The following LARGE1 variants were observed in gnomAD, a reference collection of about 807,000 sequenced individuals.
The protein encoded by LARGE1 is LARGE xylosyl- and glucuronyltransferase 1.
In LARGE1, 43 loss-of-function variants were observed where a neutral mutation model predicts 87.6. That is an observed-to-expected ratio of 0.49 (90% confidence interval 0.38 to 0.63). The LOEUF (loss-of-function observed/expected upper bound fraction) is 0.63. Ranked by LOEUF, LARGE1 falls within the 30% of genes least tolerant of loss-of-function variation. The pLI, the probability that LARGE1 is intolerant of heterozygous loss-of-function variation, is 0.00. For missense variants in LARGE1, 802 were observed against 1,000.2 expected, an observed-to-expected ratio of 0.80 and a Z score of 2.67; for synonymous variants, 434 against 394.6, an observed-to-expected ratio of 1.10 and a Z score of -1.18.
chr22:33,535,204 G>A (rs979120570), intron 6 of LARGE1, among the ~76,000 whole-genome samples: 1 of 152,212 alleles, frequency 6.6e-6, no homozygotes, highest in Non-Finnish European at 1.5e-5. Context: ...TGTGCACAAT[G>A]AAGTGCGTGT....
At position 33,838,851 on chromosome 22, in the gene LARGE1, C is replaced by T. The variant is rs12159356; in HGVS notation, c.-82-77293G>A. Among the ~76,000 whole-genome samples the T allele has an allele frequency of 5.4e-4, 82 of 152,106 alleles. 3 individuals carry two copies. The highest frequency in any genetic ancestry group is 1.6e-3 in the African/African-American group (68 of 41,502). ...TTAATCCAATCCATCTTACCCGTGA[C>T]GGCTCTCCACGTTTTTTGTTTATAT... On this transcript the variant is annotated intron_variant, in intron 1 of 14. Coordinates refer to ENST00000397394, the MANE Select transcript of LARGE1 (RefSeq NM_133642.5).
intron 5 of LARGE1, among the ~76,000 whole-genome samples, chr22:33,583,572 T>A (rs1410822267): frequency 6.6e-6 from 1 of 152,148 alleles, no homozygotes; most frequent in Non-Finnish European, 1.5e-5. Flanking sequence ...AATTAGAACC[T>A]CGGAAAGAAA....
intron 1 of LARGE1, among the ~76,000 whole-genome samples, chr22:33,774,521 TA>T (rs1228141428): frequency 6.6e-6 from 1 of 151,402 alleles, no homozygotes; most frequent in Non-Finnish European, 1.5e-5. Flanking sequence ...CACACCCAGC[TA>T]ATTTTTGTAT....
chr22:33,792,154 G>C (rs993934259), intron 1 of LARGE1, among the ~76,000 whole-genome samples: 20 of 152,174 alleles, frequency 1.3e-4, no homozygotes, highest in African/African-American at 4.3e-4. Context: ...TACTTGTTAG[G>C]AGGTGATATG....
downstream of LARGE1, among the ~76,000 whole-genome samples, chr22:33,268,033 G>T (rs2145770028): frequency 6.6e-6 from 1 of 151,000 alleles, no homozygotes; most frequent in South Asian, 2.1e-4. Flanking sequence ...TCGGCTCACT[G>T]CAACCTCCGC....
chr22:33,918,600 G>A (rs945400154), intron 1 of LARGE1, among the ~76,000 whole-genome samples: 1 of 152,166 alleles, frequency 6.6e-6, no homozygotes, highest in African/African-American at 2.4e-5. Context: ...GGAGGACCAA[G>A]CGTGCCAGTG....
chr22:33,854,185 C>G (rs1008628325), intron 1 of LARGE1, among the ~76,000 whole-genome samples: 1 of 104,132 alleles, frequency 9.6e-6, no homozygotes, highest in African/African-American at 3.7e-5. Context: ...CAGAGCTGAT[C>G]AATGTAATTA....
At chr22:33,247,412 A>G (rs1190216342) in intron 11 of LARGE1, among the ~76,000 whole-genome samples, 1 of 152,194 alleles carries the variant, frequency 6.6e-6, no homozygotes, top group East Asian at 1.9e-4. Flanking sequence ...CAATCATTAC[A>G]GCTGATAATT....
intron 13 of LARGE1, among the ~76,000 whole-genome samples, chr22:33,278,100 G>C (rs1419936816): frequency 6.6e-6 from 1 of 152,214 alleles, no homozygotes; most frequent in Non-Finnish European, 1.5e-5. Context: ...GTGAAAATGG[G>C]AGATGATTGA....
chr22:33,175,380 T>A (rs754978261), intron 11 of LARGE1, among the ~76,000 whole-genome samples: 15 of 152,184 alleles, frequency 9.9e-5, no homozygotes, highest in Non-Finnish European at 1.9e-4. Flanking sequence ...TGTTTGCAGA[T>A]GACATGATTA....
intron 2 of LARGE1, among the ~76,000 whole-genome samples, chr22:33,655,609 G>A (rs977151689): frequency 1.3e-5 from 2 of 152,028 alleles, no homozygotes; most frequent in Admixed American, 6.6e-5. Flanking sequence ...CACTCTATTG[G>A]TTCTGCTTCT....
chr22:33,430,883 G>A (rs1015072022), intron 7 of LARGE1, among the ~76,000 whole-genome samples: 8 of 152,054 alleles, frequency 5.3e-5, no homozygotes, highest in Non-Finnish European at 8.8e-5. Flanking sequence ...CAGAATTTGG[G>A]ACTCTTTTTG....
chr22:33,291,753 C>T (rs548092926), intron 12 of LARGE1, among the ~76,000 whole-genome samples: 4 of 151,578 alleles, frequency 2.6e-5, no homozygotes, highest in South Asian at 2.1e-4. Flanking sequence ...CCTTCTTCCA[C>T]GTGAGAACAT....
At chr22:33,890,032 G>A (rs1601858743) in intron 1 of LARGE1, among the ~76,000 whole-genome samples, 1 of 152,222 alleles carries the variant, frequency 6.6e-6, no homozygotes, top group Admixed American at 6.5e-5. Context: ...CCAGGGCCCT[G>A]CCAAGCCCTC....
At chr22:33,890,214 A>C (rs1004946482) in intron 1 of LARGE1, among the ~76,000 whole-genome samples, 2 of 152,172 alleles carry the variant, frequency 1.3e-5, no homozygotes, top group Admixed American at 1.3e-4. Flanking sequence ...TTTCTCCCCT[A>C]CCCAGCCCTG....
chr22:33,765,574 G>A (rs1441858309), intron 1 of LARGE1, among the ~76,000 whole-genome samples: 1 of 151,724 alleles, frequency 6.6e-6, no homozygotes, highest in Non-Finnish European at 1.5e-5. Flanking sequence ...GCATGGTGGT[G>A]GGCGCCTGTA....
chr22:33,615,595 G>A (rs889264205), intron 4 of LARGE1, among the ~76,000 whole-genome samples: 16 of 150,566 alleles, frequency 1.1e-4, no homozygotes, highest in Admixed American at 6.7e-4. Flanking sequence ...ACCAGATCCC[G>A]ATCTCAGACC....
At chr22:33,653,057 G>C (rs1045617419) in intron 2 of LARGE1, among the ~76,000 whole-genome samples, 1 of 152,174 alleles carries the variant, frequency 6.6e-6, no homozygotes, top group Non-Finnish European at 1.5e-5. Flanking sequence ...TGGTACAACT[G>C]AGAATGAAAA....
At chr22:33,317,870 G>A (rs1278126569) in intron 10 of LARGE1, among the ~76,000 whole-genome samples, 2 of 152,114 alleles carry the variant, frequency 1.3e-5, no homozygotes, top group South Asian at 2.1e-4. Flanking sequence ...ACAGAAACCC[G>A]CTCCACCATG....
Sources: gnomAD v4.1 joint callset for allele counts (sites outside exome capture counted in the v4.1 genomes callset) on GRCh38, gnomAD v4.1.1 for gene constraint, MANE v1.5 for transcripts, NCBI Gene and HGNC (gene_info 2026-07-23, HGNC 2026-07-21) for gene names.